Variants in ETV1 observed in about 807,000 individuals in gnomAD.
ETV1 encodes the protein ETS translocation variant 1.
A neutral mutation model predicts 62.3 loss-of-function variants in ETV1; 27 were observed. The ratio of observed to expected loss-of-function variants is 0.43; its 90% CI spans 0.32 to 0.60. The LOEUF (loss-of-function observed/expected upper bound fraction) is 0.60, where lower values mean the gene tolerates loss of function less well. Ranked by LOEUF, ETV1 falls within the 20% of genes least tolerant of loss-of-function variation. ETV1 has a pLI of 0.06. For synonymous variants in ETV1, 222 were observed against 199.6 expected (o/e 1.11, Z -0.94); for missense variants, 605 against 605.8 (o/e 1.00, Z 0.01).
chr7:13,901,118 C>T (rs1439068047), intron 12 of ETV1, among the ~76,000 whole-genome samples: 1 of 151,900 alleles, frequency 6.6e-6, no homozygotes, highest in Non-Finnish European at 1.5e-5. Flanking sequence ...AATTCTCCTG[C>T]CTCAGCCTTC....
At chr7:13,910,537 AT>A in intron 10 of ETV1, 1 of 536,918 alleles carries the variant, frequency 1.9e-6, no homozygotes, top group Non-Finnish European at 2.4e-6. Flanking sequence ...TACTAATATC[AT>A]TTACACAAAA....
intron 6 of ETV1, among the ~76,000 whole-genome samples, chr7:13,962,044 T>C (rs908186574): frequency 6.6e-6 from 1 of 152,118 alleles, no homozygotes; most frequent in African/African-American, 2.4e-5. Context: ...GCACGTGTGA[T>C]ATATTATGAA....
At chr7:13,952,622 T>C (rs1394257422) in intron 6 of ETV1, among the ~76,000 whole-genome samples, 1 of 152,210 alleles carries the variant, frequency 6.6e-6, no homozygotes, top group Non-Finnish European at 1.5e-5. Flanking sequence ...AAACACTTGA[T>C]GCTTTAAAAT....
intron 6 of ETV1, among the ~76,000 whole-genome samples, chr7:13,956,366 AG>A (rs1203239748): frequency 6.6e-6 from 1 of 151,736 alleles, no homozygotes; most frequent in Non-Finnish European, 1.5e-5. Flanking sequence ...ACACTATTCC[AG>A]GAGTGTACCC....
chr7:13,947,104 G>A (rs1449848678), intron 6 of ETV1, among the ~76,000 whole-genome samples: 1 of 152,128 alleles, frequency 6.6e-6, no homozygotes, highest in Non-Finnish European at 1.5e-5. Flanking sequence ...TTTGCTCATA[G>A]GAGAATAACT....
At chr7:13,977,534 T>A in intron 5 of ETV1, 54 bp from the exon 6 acceptor site, 1 of 1,227,496 alleles carries the variant, frequency 8.1e-7, no homozygotes, top group Non-Finnish European at 1.2e-6. Context: ...GCCAAAAGCA[T>A]AAGGAATGTC....
At chr7:13,949,792 T>C (rs1788588017) in intron 6 of ETV1, among the ~76,000 whole-genome samples, 1 of 152,202 alleles carries the variant, frequency 6.6e-6, no homozygotes, top group African/African-American at 2.4e-5. Context: ...GATTCGAGTT[T>C]TCATGATTTT....
At chr7:13,976,961 A>C (rs1781507282) in intron 6 of ETV1, among the ~76,000 whole-genome samples, 1 of 152,234 alleles carries the variant, frequency 6.6e-6, no homozygotes, top group Admixed American at 6.5e-5. Context: ...ATGAATGTAC[A>C]ATACTACAAT....
chr7:13,984,278 G>C (rs1233115454), intron 5 of ETV1, among the ~76,000 whole-genome samples: 1 of 151,924 alleles, frequency 6.6e-6, no homozygotes, highest in African/African-American at 2.4e-5. Flanking sequence ...ATTATGAAAA[G>C]AAATATGTAA....
intron 13 of ETV1, among the ~76,000 whole-genome samples, chr7:13,896,571 C>T (rs1046474307): frequency 1.3e-5 from 2 of 151,748 alleles, no homozygotes; most frequent in Non-Finnish European, 2.9e-5. Flanking sequence ...GCTTTATTCC[C>T]AATAAGACTA....
intron 4 of ETV1, 129 bp from the exon 5 acceptor site, chr7:13,986,814 A>T (rs1389036271): frequency 1.3e-5 from 2 of 156,450 alleles, no homozygotes; most frequent in East Asian, 2.0e-4. Flanking sequence ...ACATAAAAAT[A>T]AAAAAAAGAG....
intron 5 of ETV1, chr7:13,986,161 T>G (rs770003106): frequency 6.3e-7 from 1 of 1,594,898 alleles, no homozygotes; most frequent in Non-Finnish European, 8.5e-7. Context: ...ACACTTGCAC[T>G]TAAATCTTGA....
chr7:13,950,932 ACACACACAC>A (rs1562668076), intron 6 of ETV1, among the ~76,000 whole-genome samples: 3 of 148,052 alleles, frequency 2.0e-5, no homozygotes, highest in Admixed American at 2.0e-4. Flanking sequence ...ACACACACAC[ACACACACAC>A]AATATCGAGC....
intron 8 of ETV1, among the ~76,000 whole-genome samples, chr7:13,932,736 G>A (rs190652454): frequency 1.1e-4 from 16 of 152,290 alleles, no homozygotes; most frequent in African/African-American, 3.6e-4. Context: ...TGCCCCAGGA[G>A]TGCTTAAAAA....
chr7:13,984,421 G>C (rs1392314957), intron 5 of ETV1, among the ~76,000 whole-genome samples: 8 of 151,754 alleles, frequency 5.3e-5, no homozygotes, highest in African/African-American at 1.5e-4. Context: ...TTCAAGAGGT[G>C]GGATAAGTCA....
intron 11 of ETV1, among the ~76,000 whole-genome samples, chr7:13,906,877 T>C (rs1008163327): frequency 1.3e-5 from 2 of 151,918 alleles, no homozygotes; most frequent in African/African-American, 4.8e-5. Flanking sequence ...TACAAAAATA[T>C]TGTGGAACTA....
At chr7:13,929,069 T>G (rs75996384) in intron 9 of ETV1, among the ~76,000 whole-genome samples, 7 of 152,246 alleles carry the variant, frequency 4.6e-5, no homozygotes, top group African/African-American at 1.7e-4. Flanking sequence ...TAAAGTTTCT[T>G]GAAATCATAA....
chr7:13,986,805 CATAAAAATA>C, intron 4 of ETV1, 120 bp from the exon 5 acceptor site: 1 of 746,058 alleles, frequency 1.3e-6, no homozygotes, highest in Non-Finnish European at 2.1e-6. Context: ...ACGCAGTCAA[CATAAAAATA>C]AAAAAAAGAG....
At chr7:13,937,739 A>G (rs1367567873) in intron 7 of ETV1, among the ~76,000 whole-genome samples, 2 of 152,214 alleles carry the variant, frequency 1.3e-5, no homozygotes, top group Non-Finnish European at 1.5e-5. Context: ...ATCGATCAAT[A>G]CTGTCTTATC....
Sources: gnomAD v4.1 joint callset for allele counts (sites outside exome capture counted in the v4.1 genomes callset) on GRCh38, gnomAD v4.1.1 for gene constraint, MANE v1.5 for transcripts, NCBI Gene and HGNC (gene_info 2026-07-23, HGNC 2026-07-21) for gene names.